PLXDC2: variants seen among roughly 807,000 people sequenced by gnomAD.
The protein encoded by PLXDC2 is plexin domain containing 2.
PLXDC2 carries 40 observed loss-of-function variants against 68.9 expected under a neutral mutation model. That is an observed-to-expected ratio of 0.58 (90% CI 0.45 to 0.76). The LOEUF (loss-of-function observed/expected upper bound fraction) is 0.76, where lower values mean the gene tolerates loss of function less well. Among genes scored for constraint, PLXDC2 ranks in the 30% least tolerant of loss-of-function variants. The pLI, the probability that PLXDC2 is intolerant of heterozygous loss-of-function variation, is 0.00. For missense variants in PLXDC2, 644 were observed against 661.9 expected (o/e 0.97, Z 0.30); for synonymous variants, 243 against 234.2 (o/e 1.04, Z -0.34).
intron 1 of PLXDC2, among the ~76,000 whole-genome samples, chr10:19,884,077 T>G (rs1837794331): frequency 6.7e-6 from 1 of 149,956 alleles, no homozygotes; most frequent in Non-Finnish European, 1.5e-5. Flanking sequence ...TTTTTTTTTT[T>G]GTAGAGATGG....
intron 2 of PLXDC2, among the ~76,000 whole-genome samples, chr10:20,012,303 C>CTCTTT (rs1835129350): frequency 9.0e-4 from 59 of 65,594 alleles, no homozygotes; most frequent in African/African-American, 4.0e-3. Flanking sequence ...CTCTCTCTCT[C>CTCTTT]TTTTTTATTT....
chr10:19,855,633 T>A (rs779315613), intron 1 of PLXDC2, among the ~76,000 whole-genome samples: 3 of 152,234 alleles, frequency 2.0e-5, no homozygotes, highest in Non-Finnish European at 4.4e-5. Context: ...AATTCTCCAA[T>A]GGACATTTCC....
chr10:20,107,330 C>G (rs973919030), intron 4 of PLXDC2, among the ~76,000 whole-genome samples: 1 of 152,030 alleles, frequency 6.6e-6, no homozygotes, highest in Non-Finnish European at 1.5e-5. Flanking sequence ...TTCCCGTTAT[C>G]CATCTAGTCC....
chr10:20,181,853 TA>T (rs932045893), intron 9 of PLXDC2, among the ~76,000 whole-genome samples: 1 of 151,984 alleles, frequency 6.6e-6, no homozygotes, highest in Non-Finnish European at 1.5e-5. Context: ...TTTACCATAT[TA>T]AAAAAATGGA....
At chr10:20,131,910 T>A (rs938408894) in intron 4 of PLXDC2, among the ~76,000 whole-genome samples, 2 of 152,144 alleles carry the variant, frequency 1.3e-5, no homozygotes, top group African/African-American at 4.8e-5. Context: ...TGTTCTTGTT[T>A]CCTTGTTCCT....
Position 20,095,135 on chromosome 10 carries a change from T to C in PLXDC2, c.541+26896T>C, listed in dbSNP as rs191082879. Reference sequence around the variant, plus strand: ...ATTTTATTTAAATATTTCCAAAATATAATTTTGACATAAAATCAATATTTT... The same window carrying C: ...ATTTTATTTAAATATTTCCAAAATACAATTTTGACATAAAATCAATATTTT... On this transcript the variant is annotated intron_variant, in intron 4 of 13. Transcript: ENST00000377252. 3.7e-3 allele frequency among the ~76,000 whole-genome samples: 565 copies of C among 152,326 alleles called. 2 individuals carry two copies. Among genetic ancestry groups the C allele is most frequent in the Middle Eastern group, 0.014 (4 of 294 alleles).
chr10:20,041,319 G>T (rs1265233573), intron 2 of PLXDC2, among the ~76,000 whole-genome samples: 1 of 152,104 alleles, frequency 6.6e-6, no homozygotes. Flanking sequence ...AAATTCTTGA[G>T]TCACAACTTT....
intron 1 of PLXDC2, among the ~76,000 whole-genome samples, chr10:19,966,515 G>A (rs1335718727): frequency 1.6e-5 from 2 of 122,530 alleles, no homozygotes; most frequent in African/African-American, 6.4e-5. Flanking sequence ...TATAGAAATA[G>A]ATCCATATCA....
chr10:20,061,505 G>T (rs1836102642), intron 3 of PLXDC2, among the ~76,000 whole-genome samples: 1 of 152,094 alleles, frequency 6.6e-6, no homozygotes, highest in South Asian at 2.1e-4. Flanking sequence ...GGTTAATTTT[G>T]ATTACCTGGT....
chr10:20,187,098 A>G (rs1834696336), intron 9 of PLXDC2, among the ~76,000 whole-genome samples: 1 of 151,858 alleles, frequency 6.6e-6, no homozygotes, highest in Non-Finnish European at 1.5e-5. Flanking sequence ...CAAGAATACT[A>G]TGGGAAAGGA....
At chr10:20,188,145 T>C (rs1834711678) in intron 9 of PLXDC2, among the ~76,000 whole-genome samples, 2 of 151,604 alleles carry the variant, frequency 1.3e-5, no homozygotes, top group African/African-American at 2.4e-5. Context: ...ATATGTGTTA[T>C]TAAATATATA....
intron 9 of PLXDC2, among the ~76,000 whole-genome samples, chr10:20,203,534 C>A (rs1213697596): frequency 6.6e-6 from 1 of 151,944 alleles, no homozygotes; most frequent in Non-Finnish European, 1.5e-5. Flanking sequence ...TGGTCTTGAA[C>A]TCCTGGGCTC....
At chr10:19,835,067 C>G (rs1280842180) in intron 1 of PLXDC2, among the ~76,000 whole-genome samples, 1 of 152,076 alleles carries the variant, frequency 6.6e-6, no homozygotes, top group Non-Finnish European at 1.5e-5. Context: ...AATCCTGGGG[C>G]AGAGAACTGT....
chr10:20,036,093 T>G (rs1353226012), intron 2 of PLXDC2, among the ~76,000 whole-genome samples: 1 of 152,182 alleles, frequency 6.6e-6, no homozygotes, highest in Non-Finnish European at 1.5e-5. Context: ...CTGGGGCTTT[T>G]TTATAAATCC....
At chr10:20,255,821 C>T (rs1360141527) in intron 13 of PLXDC2, among the ~76,000 whole-genome samples, 1 of 151,898 alleles carries the variant, frequency 6.6e-6, no homozygotes, top group Non-Finnish European at 1.5e-5. Flanking sequence ...TAGAAGTGAA[C>T]AATCAATGGT....
chr10:19,934,735 T>G (rs761193380), intron 1 of PLXDC2, among the ~76,000 whole-genome samples: 1 of 152,238 alleles, frequency 6.6e-6, no homozygotes. Context: ...TCCTATCCAA[T>G]GCAGTGCCTA....
At position 19,979,691 on chromosome 10, in the gene PLXDC2, A is replaced by G. The variant is rs184845654; in HGVS notation, c.113-22084A>G. Among the ~76,000 whole-genome samples, 16 of 152,302 alleles carry G rather than the reference A, an allele frequency of 1.1e-4. 1 individual carries two copies. The South Asian group carries it at 1.5e-3, about 14-fold the overall frequency. ...CTTTTTAAAGGAACTTTTTCAAATTATCACCTGAGTTGTTTGGGGTTTTGT... is the reference window on the plus strand; with the variant it reads ...CTTTTTAAAGGAACTTTTTCAAATTGTCACCTGAGTTGTTTGGGGTTTTGT... On this transcript the variant is annotated intron_variant, in intron 1 of 13. Transcript: ENST00000377252.
intron 13 of PLXDC2, among the ~76,000 whole-genome samples, chr10:20,257,230 A>G (rs1270025677): frequency 1.3e-5 from 2 of 152,230 alleles, no homozygotes; most frequent in African/African-American, 2.4e-5. Flanking sequence ...AGGCCCCATT[A>G]TCAAGGATTT....
chr10:20,159,219 C>T (rs1834258341), intron 6 of PLXDC2, among the ~76,000 whole-genome samples: 1 of 152,150 alleles, frequency 6.6e-6, no homozygotes. Flanking sequence ...ATCGAAAGGA[C>T]ACTTCTCATA....
Sources: allele counts gnomAD v4.1 joint callset (sites outside exome capture counted in the v4.1 genomes callset), GRCh38; gene constraint gnomAD v4.1.1; transcripts MANE v1.5; gene names NCBI Gene and HGNC (gene_info 2026-07-23, HGNC 2026-07-21).